RMDN2: variants seen among roughly 807,000 people sequenced by gnomAD.
RMDN2 encodes the protein regulator of microtubule dynamics 2.
Under a neutral mutation model 52.8 loss-of-function variants are expected in RMDN2, and 61 were observed. The observed-to-expected ratio is 1.16, with a 90% CI of 0.94 to 1.43. The LOEUF (loss-of-function observed/expected upper bound fraction) is 1.43. Among genes scored for constraint, RMDN2 ranks in the 40% most tolerant of loss-of-function variants. The pLI, the probability that RMDN2 is intolerant of heterozygous loss-of-function variation, is 0.00. For missense variants in RMDN2, 592 were observed against 475.3 expected, an observed-to-expected ratio of 1.25 and a Z score of -2.28; for synonymous variants, 180 against 153.1, an observed-to-expected ratio of 1.18 and a Z score of -1.30.
At chr2:37,941,788 G>A (rs1266788459) in intron 2 of RMDN2, among the ~76,000 whole-genome samples, 1 of 152,116 alleles carries the variant, frequency 6.6e-6, no homozygotes, top group Non-Finnish European at 1.5e-5. Flanking sequence ...CTGCTGTGCT[G>A]TCAGCGAGAA....
intron 2 of RMDN2, among the ~76,000 whole-genome samples, chr2:37,947,071 G>T (rs1459549788): frequency 2.6e-5 from 4 of 151,820 alleles, no homozygotes; most frequent in Non-Finnish European, 5.9e-5. Flanking sequence ...TTTGATTTTT[G>T]TAGATTTAGA....
At chr2:37,948,742 A>T (rs893335135) in intron 2 of RMDN2, among the ~76,000 whole-genome samples, 2 of 152,114 alleles carry the variant, frequency 1.3e-5, no homozygotes, top group African/African-American at 2.4e-5. Flanking sequence ...GCAGATCTGG[A>T]TCTTCTTCCT....
intron 10 of RMDN2, among the ~76,000 whole-genome samples, chr2:38,066,139 C>T (rs546740462): frequency 6.6e-6 from 1 of 152,192 alleles, no homozygotes; most frequent in Non-Finnish European, 1.5e-5. Context: ...TGGCCCATTA[C>T]TTTATCGCAT....
chr2:37,964,666 G>T (rs780882070), intron 2 of RMDN2, among the ~76,000 whole-genome samples: 11 of 152,162 alleles, frequency 7.2e-5, no homozygotes, highest in Admixed American at 1.3e-4. Context: ...ATTTTTGGGT[G>T]GCATGGTCTA....
chr2:38,029,414 C>T (rs1248131364), intron 10 of RMDN2: 2 of 152,124 alleles, frequency 1.3e-5, no homozygotes, highest in South Asian at 2.1e-4. Flanking sequence ...CTCTCACCCA[C>T]CTCAAAGCCC....
chr2:38,049,685 G>A (rs1316685166), intron 10 of RMDN2, among the ~76,000 whole-genome samples: 1 of 152,120 alleles, frequency 6.6e-6, no homozygotes, highest in African/African-American at 2.4e-5. Context: ...CAATCCTCCT[G>A]TTTCAGCTTC....
chr2:38,041,160 G>A (rs966743880), intron 10 of RMDN2, among the ~76,000 whole-genome samples: 2 of 152,014 alleles, frequency 1.3e-5, no homozygotes, highest in African/African-American at 2.4e-5. Context: ...CATCTGACTC[G>A]GGATGTCAAG....
chr2:38,058,207 A>G (rs1242132567), intron 10 of RMDN2, among the ~76,000 whole-genome samples: 2 of 152,206 alleles, frequency 1.3e-5, no homozygotes, highest in Admixed American at 1.3e-4. Flanking sequence ...TGCCTTTGGG[A>G]AAAACCCAGG....
intron 10 of RMDN2, among the ~76,000 whole-genome samples, chr2:38,046,914 C>T (rs370204722): frequency 3.3e-5 from 5 of 151,614 alleles, no homozygotes; most frequent in Non-Finnish European, 7.4e-5. Flanking sequence ...ACCCAGGAGG[C>T]GGAGGTTGCA....
At chr2:37,942,948 A>G (rs1179058000) in intron 2 of RMDN2, among the ~76,000 whole-genome samples, 4 of 152,216 alleles carry the variant, frequency 2.6e-5, no homozygotes, top group Non-Finnish European at 5.9e-5. Flanking sequence ...GGCCAAGAAA[A>G]AAGCAATAAG....
chr2:37,953,142 G>T (rs560466363), intron 2 of RMDN2: 1 of 151,870 alleles, frequency 6.6e-6, no homozygotes, highest in South Asian at 2.1e-4. Context: ...CTTGTTCTTA[G>T]CATGTGTCTT....
chr2:38,013,239 A>G (rs2125233942), intron 10 of RMDN2, among the ~76,000 whole-genome samples: 1 of 152,368 alleles, frequency 6.6e-6, no homozygotes, highest in African/African-American at 2.4e-5. Context: ...TGGAGGCAGT[A>G]TTAAAGTTCA....
chr2:37,939,175 G>C (rs1667570807), intron 2 of RMDN2, among the ~76,000 whole-genome samples: 1 of 152,184 alleles, frequency 6.6e-6, no homozygotes, highest in Non-Finnish European at 1.5e-5. Context: ...TCAGGAGCAG[G>C]TTGTTCAGTT....
chr2:38,053,239 A>T (rs1423066753), intron 10 of RMDN2, among the ~76,000 whole-genome samples: 1 of 152,228 alleles, frequency 6.6e-6, no homozygotes, highest in African/African-American at 2.4e-5. Context: ...CTGTCTAAAT[A>T]TAATTGCCAA....
At position 37,950,671 on chromosome 2, in the gene RMDN2, C is replaced by G. The variant is rs572889647; in HGVS notation, c.452+20942C>G. On this transcript the variant is annotated intron_variant, in intron 2 of 10. Transcript: ENST00000354545. ...TTCATAAACGAAGCTTTAGTGCTCTCCTTTGTTTCCCATAATAACTGGATA... is the reference window on the plus strand; with the variant it reads ...TTCATAAACGAAGCTTTAGTGCTCTGCTTTGTTTCCCATAATAACTGGATA... The G allele has an allele frequency of 7.8e-5, 109 of 1,391,746 alleles. 3 individuals are homozygous for G. In the South Asian group the frequency reaches 9.8e-4, roughly 13 times the overall value. The allele number at this position is 1,391,746 out of a possible 1,614,324, so 86.2% of individuals were successfully genotyped here.
intron 2 of RMDN2, among the ~76,000 whole-genome samples, chr2:37,972,283 T>C (rs776128543): frequency 6.6e-6 from 1 of 152,078 alleles, no homozygotes; most frequent in South Asian, 2.1e-4. Context: ...TCTGCAATAA[T>C]AAGAAGATTA....
At chr2:38,000,181 A>G (rs944940679) in intron 8 of RMDN2, among the ~76,000 whole-genome samples, 1 of 152,128 alleles carries the variant, frequency 6.6e-6, no homozygotes, top group African/African-American at 2.4e-5. Context: ...AAATTCTTTC[A>G]AACTATAGCA....
At chr2:37,952,152 T>C (rs1338469421) in intron 2 of RMDN2, 1 of 1,613,144 alleles carries the variant, frequency 6.2e-7, no homozygotes, top group African/African-American at 1.3e-5. Flanking sequence ...CTTTGCTGTC[T>C]TGTTTCAAGA....
At chr2:37,956,227 A>G (rs1462964251) in intron 2 of RMDN2, among the ~76,000 whole-genome samples, 1 of 152,130 alleles carries the variant, frequency 6.6e-6, no homozygotes, top group Non-Finnish European at 1.5e-5. Context: ...ATTACTTTTT[A>G]CTAGTTATAG....
Sources: allele counts gnomAD v4.1 joint callset (sites outside exome capture counted in the v4.1 genomes callset), GRCh38; gene constraint gnomAD v4.1.1; transcripts MANE v1.5; gene names NCBI Gene and HGNC (gene_info 2026-07-23, HGNC 2026-07-21).